FRAS1: variants seen among roughly 807,000 people sequenced by gnomAD.
FRAS1 encodes extracellular matrix organizing protein FRAS1.
In FRAS1, 290 loss-of-function variants were observed where a neutral mutation model predicts 435.2. The ratio of observed to expected loss-of-function variants is 0.67; its 90% confidence interval spans 0.61 to 0.73. The LOEUF is 0.73. Among genes scored for constraint, FRAS1 ranks in the 30% least tolerant of loss-of-function variants. FRAS1 has a pLI of 0.00. For synonymous variants in FRAS1, 1,800 were observed against 1,851.0 expected (o/e 0.97, Z 0.71); for missense variants, 4,860 against 5,001.5 (o/e 0.97, Z 0.85).
intron 27 of FRAS1, among the ~76,000 whole-genome samples, chr4:78,380,610 AG>A (rs1731976251): frequency 6.6e-6 from 1 of 152,244 alleles, no homozygotes; most frequent in Admixed American, 6.5e-5. Flanking sequence ...TATAATTAGC[AG>A]GGTAAATCTA....
At chr4:78,199,056 T>C (rs1176592034) in intron 2 of FRAS1, among the ~76,000 whole-genome samples, 1 of 152,194 alleles carries the variant, frequency 6.6e-6, no homozygotes. Context: ...AACTGCTGTG[T>C]TGTTCGAGGG....
At position 78,260,980 on chromosome 4, in the gene FRAS1, G is replaced by C. The variant is rs17003095; in HGVS notation, c.604-4045G>C. ...AAATGTTTTCTTCAGTGATGGCTTT[G>C]ATTAATCATATCTGTTCCAATTATT... is the stretch of plus-strand genomic sequence containing the variant. On this transcript the variant is annotated intron_variant, in intron 6 of 73. Coordinates refer to ENST00000512123, the MANE Select transcript of FRAS1 (RefSeq NM_025074.7). Among the ~76,000 whole-genome samples, 101 of 152,138 alleles carry C rather than the reference G, an allele frequency of 6.6e-4. 1 individual carries two copies. Among genetic ancestry groups the C allele is most frequent in the African/African-American group, 2.2e-3 (93 of 41,508 alleles).
At chr4:78,455,991 A>C (rs1403245426) in intron 47 of FRAS1, among the ~76,000 whole-genome samples, 1 of 152,034 alleles carries the variant, frequency 6.6e-6, no homozygotes, top group Admixed American at 6.5e-5. Flanking sequence ...GAGGTGGCTC[A>C]GTGATCCTCA....
chr4:78,174,615 A>T (rs1002119437), intron 2 of FRAS1, among the ~76,000 whole-genome samples: 2 of 152,194 alleles, frequency 1.3e-5, no homozygotes, highest in African/African-American at 4.8e-5. Context: ...ACTGTCTAAC[A>T]ATTAAGATAA....
At chr4:78,277,016 A>G (rs1195355451) in intron 9 of FRAS1, among the ~76,000 whole-genome samples, 2 of 152,094 alleles carry the variant, frequency 1.3e-5, no homozygotes, top group Non-Finnish European at 2.9e-5. Flanking sequence ...CAGCAATGGC[A>G]TGCACCCCTC....
intron 14 of FRAS1, among the ~76,000 whole-genome samples, chr4:78,290,505 G>A (rs1727839446): frequency 6.6e-6 from 1 of 150,990 alleles, no homozygotes; most frequent in Non-Finnish European, 1.5e-5. Context: ...CATCCAGGCT[G>A]GAGTACAGTG....
chr4:78,170,693 C>T (rs763822139), intron 2 of FRAS1, among the ~76,000 whole-genome samples: 11 of 152,088 alleles, frequency 7.2e-5, no homozygotes, highest in Admixed American at 1.3e-4. Flanking sequence ...CTCTCATTGT[C>T]GTTTTCATCT....
intron 38 of FRAS1, among the ~76,000 whole-genome samples, chr4:78,435,600 A>G (rs1734389678): frequency 6.6e-6 from 1 of 152,160 alleles, no homozygotes. Flanking sequence ...TTAACCCAGC[A>G]TGGTGGTGTG....
At chr4:78,213,221 T>C (rs1447112308) in intron 2 of FRAS1, among the ~76,000 whole-genome samples, 1 of 152,250 alleles carries the variant, frequency 6.6e-6, no homozygotes, top group African/African-American at 2.4e-5. Flanking sequence ...TCCAAGTTCC[T>C]TCTGTTTTGT....
chr4:78,123,958 T>C (rs1384858329), intron 2 of FRAS1, among the ~76,000 whole-genome samples: 2 of 152,240 alleles, frequency 1.3e-5, no homozygotes, highest in Admixed American at 6.5e-5. Context: ...CCTAATTGAA[T>C]ACCTTTTATT....
chr4:78,391,983 A>C lies in FRAS1; in HGVS notation c.3975+4282A>C, dbSNP rs536346931. Among the ~76,000 whole-genome samples the C allele has an allele frequency of 8.1e-5, 12 of 148,016 alleles. No individual in the cohort carries two copies. The South Asian group carries it at 2.3e-3, about 29-fold the overall frequency. ...AATCCTTGCCATATATGAGGGTTTC[A>C]CCTTTTGGGGGGGTTTGATTAGCTT... On this transcript the variant is annotated intron_variant, in intron 29 of 73. Coordinates refer to ENST00000512123, the MANE Select transcript of FRAS1 (RefSeq NM_025074.7).
rs545037806 is a variant in FRAS1 at position 78,461,795 on chromosome 4, A to C, written c.6764-2226A>C. On this transcript the variant is annotated intron_variant, in intron 47 of 73. Transcript: ENST00000512123. ...CTTATGTCCATACAAAGATTTGCAC[A>C]CTAATAATCATAGCAGCTTTATATA... 7.0e-4 allele frequency among the ~76,000 whole-genome samples: 107 copies of C among 152,370 alleles called. 1 individual carries two copies. The Middle Eastern group carries it at 0.024, about 34-fold the overall frequency.
intron 2 of FRAS1, among the ~76,000 whole-genome samples, chr4:78,217,370 A>G (rs1384199698): frequency 6.6e-6 from 1 of 152,108 alleles, no homozygotes; most frequent in African/African-American, 2.4e-5. Context: ...AAAATTAACC[A>G]TGACATATGA....
intron 55 of FRAS1, among the ~76,000 whole-genome samples, chr4:78,478,467 C>A (rs1320778118): frequency 6.6e-6 from 1 of 152,180 alleles, no homozygotes; most frequent in Admixed American, 6.5e-5. Flanking sequence ...CTGAAAATTT[C>A]CCTATGTGAC....
At chr4:78,108,877 G>C (rs1455460602) in intron 2 of FRAS1, among the ~76,000 whole-genome samples, 1 of 128,838 alleles carries the variant, frequency 7.8e-6, no homozygotes, top group Non-Finnish European at 1.6e-5. Context: ...AAAAAAGAGA[G>C]AAGAATCAAA....
intron 2 of FRAS1, among the ~76,000 whole-genome samples, chr4:78,128,424 G>A (rs1051715881): frequency 1.5e-4 from 23 of 152,138 alleles, no homozygotes; most frequent in African/African-American, 5.5e-4. Flanking sequence ...GTTGTTTCCT[G>A]ACTTTTTAAT....
intron 2 of FRAS1, among the ~76,000 whole-genome samples, chr4:78,116,184 G>T (rs559376739): frequency 6.6e-6 from 1 of 152,254 alleles, no homozygotes; most frequent in Non-Finnish European, 1.5e-5. Context: ...ATTGCCCTGT[G>T]GTCTGAGAGA....
intron 33 of FRAS1, among the ~76,000 whole-genome samples, chr4:78,420,861 G>T (rs1733751502): frequency 1.4e-5 from 2 of 138,326 alleles, no homozygotes; most frequent in Non-Finnish European, 3.1e-5. Flanking sequence ...GTTCTCTAGA[G>T]GGACAGAACT....
At chr4:78,274,446 G>C (rs189215415) in intron 9 of FRAS1, among the ~76,000 whole-genome samples, 2 of 151,918 alleles carry the variant, frequency 1.3e-5, no homozygotes, top group South Asian at 4.2e-4. Flanking sequence ...TCTCTTGTGG[G>C]CATTTAGTGC....
Sources: allele counts gnomAD v4.1 joint callset (sites outside exome capture counted in the v4.1 genomes callset), GRCh38; gene constraint gnomAD v4.1.1; transcripts MANE v1.5; gene names NCBI Gene and HGNC (gene_info 2026-07-23, HGNC 2026-07-21).